Variants in EPHA6 observed in about 807,000 individuals in gnomAD.
EPHA6 encodes the protein EPH receptor A6, also known as ephrin type-A receptor 6.
A neutral mutation model predicts 112.0 loss-of-function variants in EPHA6; 50 were observed. The observed-to-expected ratio is 0.45, with a 90% CI of 0.36 to 0.56. The LOEUF is 0.56. EPHA6 is among the 20% of genes least tolerant of loss of function. The pLI is 0.00. For missense variants in EPHA6, 1,280 were observed against 1,417.4 expected, an observed-to-expected ratio of 0.90 and a Z score of 1.56; for synonymous variants, 529 against 490.7, an observed-to-expected ratio of 1.08 and a Z score of -1.03.
chr3:96,900,687 A>G (rs1332490731), intron 2 of EPHA6, among the ~76,000 whole-genome samples: 3 of 152,226 alleles, frequency 2.0e-5, no homozygotes, highest in African/African-American at 4.8e-5. Context: ...GAAGATTCAC[A>G]TGGATTGTTT....
intron 5 of EPHA6, among the ~76,000 whole-genome samples, chr3:97,311,527 T>G (rs527812858): frequency 6.6e-6 from 1 of 151,734 alleles, no homozygotes; most frequent in South Asian, 2.1e-4. Context: ...GATATCAAGT[T>G]GCTCCAGCAC....
chr3:97,164,426 G>A (rs940799553), intron 3 of EPHA6, among the ~76,000 whole-genome samples: 9 of 151,918 alleles, frequency 5.9e-5, no homozygotes, highest in African/African-American at 1.7e-4. Flanking sequence ...TATTTCTTAC[G>A]TGTTTTATGT....
chr3:97,229,892 C>T (rs1434933079), intron 4 of EPHA6, among the ~76,000 whole-genome samples: 1 of 151,834 alleles, frequency 6.6e-6, no homozygotes, highest in Non-Finnish European at 1.5e-5. Context: ...ATTTTTTTTC[C>T]TGTGAACATA....
At position 97,736,088 on chromosome 3, in the gene EPHA6, C is replaced by G; in HGVS notation, c.3098C>G (p.Ala1033Gly). The G allele has an allele frequency of 6.2e-7, 1 of 1,612,168 alleles. No homozygotes were observed. Among genetic ancestry groups the G allele is most frequent in the South Asian group, 1.1e-5 (1 of 90,962 alleles). Residue 1033 changes from alanine (A) to glycine (G), a missense_variant, in exon 16 of 18, where the codon GCC (alanine) becomes GGC (glycine). By Grantham distance (60) the Ala-to-Gly change is moderately conservative. Transcript: ENST00000389672. ...FLDKLIRNPS[A>G]LHTLVEDILV... The stretch of plus-strand genomic sequence containing the variant: ...GACAAACTGATCCGAAATCCCAGTG[C>G]CCTTCACACCCTGGTGGAGGACATC...
chr3:97,072,489 G>A (rs2046391930), intron 3 of EPHA6, among the ~76,000 whole-genome samples: 1 of 151,996 alleles, frequency 6.6e-6, no homozygotes, highest in Non-Finnish European at 1.5e-5. Flanking sequence ...GCCGTTAGAA[G>A]GCACCAACCC....
chr3:97,228,689 C>T (rs559332205), intron 4 of EPHA6, among the ~76,000 whole-genome samples: 39 of 152,096 alleles, frequency 2.6e-4, no homozygotes, highest in South Asian at 1.5e-3. Flanking sequence ...AACATGCATG[C>T]GCAAGTGTCA....
chr3:96,913,533 C>T (rs749064591), intron 2 of EPHA6, among the ~76,000 whole-genome samples: 8 of 151,870 alleles, frequency 5.3e-5, no homozygotes, highest in Non-Finnish European at 8.8e-5. Flanking sequence ...CAGTCATATC[C>T]GCCTTATATA....
At chr3:97,185,668 A>T (rs915833336) in intron 3 of EPHA6, among the ~76,000 whole-genome samples, 1 of 152,074 alleles carries the variant, frequency 6.6e-6, no homozygotes, top group Admixed American at 6.6e-5. Context: ...TTCCTCAGGG[A>T]TCTAGAACTA....
At chr3:97,254,632 T>G (rs1559830729) in intron 5 of EPHA6, among the ~76,000 whole-genome samples, 1 of 152,194 alleles carries the variant, frequency 6.6e-6, no homozygotes, top group Non-Finnish European at 1.5e-5. Flanking sequence ...TTCACATGCT[T>G]GAAGTAATCT....
At chr3:97,286,301 A>G (rs180899991) in intron 5 of EPHA6, among the ~76,000 whole-genome samples, 39 of 152,280 alleles carry the variant, frequency 2.6e-4, no homozygotes, top group African/African-American at 8.9e-4. Flanking sequence ...TTAACCATAA[A>G]ATCTTTGGCT....
chr3:96,821,456 G>T (rs557859328), intron 1 of EPHA6, among the ~76,000 whole-genome samples: 1 of 151,592 alleles, frequency 6.6e-6, no homozygotes, highest in East Asian at 1.9e-4. Flanking sequence ...CTTCTTATGG[G>T]CTATACAGTT....
Position 97,480,889 on chromosome 3 carries a change from C to G in EPHA6, c.2074+1525C>G, listed in dbSNP as rs184044813. 9.7e-3 allele frequency among the ~76,000 whole-genome samples: 1,456 copies of G among 150,566 alleles called. 20 individuals are homozygous for G. The highest frequency in any genetic ancestry group is 0.032 in the African/African-American group (1,311 of 40,854). On this transcript the variant is annotated intron_variant, in intron 9 of 17. Transcript: ENST00000389672. ...TCATATCCCAGACGGGGTGGCAGAG[C>G]AGAGGCGCTCCCCACATCTCAGACA...
At chr3:97,179,718 T>TCTCTCTCTCTCTCTCG (rs2076933943) in intron 3 of EPHA6, among the ~76,000 whole-genome samples, 1 of 11,854 alleles carries the variant, frequency 8.4e-5, no homozygotes, top group Admixed American at 1.1e-3. Context: ...ACCTACAGAG[T>TCTCTCTCTCTCTCTCG]CTCTCTCTCT....
chr3:97,320,519 T>C (rs1275598846), intron 5 of EPHA6, among the ~76,000 whole-genome samples: 10 of 151,876 alleles, frequency 6.6e-5, no homozygotes, highest in Admixed American at 6.6e-4. Flanking sequence ...AGGAATATGA[T>C]AGCTGCAGAG....
At chr3:97,655,920 A>G (rs1322094370) in intron 14 of EPHA6, among the ~76,000 whole-genome samples, 1 of 152,002 alleles carries the variant, frequency 6.6e-6, no homozygotes, top group Non-Finnish European at 1.5e-5. Flanking sequence ...AAAAGAAGAG[A>G]AAGATCTCTT....
At chr3:97,029,292 A>G (rs188441812) in intron 3 of EPHA6, among the ~76,000 whole-genome samples, 3 of 151,754 alleles carry the variant, frequency 2.0e-5, no homozygotes, top group African/African-American at 7.2e-5. Context: ...AAAAATTATT[A>G]TATAATTACA....
At chr3:97,244,584 A>G (rs2078935275) in intron 5 of EPHA6, 8 of 382,346 alleles carry the variant, frequency 2.1e-5, no homozygotes, top group East Asian at 1.5e-4. Flanking sequence ...TTACTTACCA[A>G]TAGAAGTCAG....
intron 3 of EPHA6, among the ~76,000 whole-genome samples, chr3:97,197,173 G>C (rs928107200): frequency 2.0e-5 from 3 of 152,020 alleles, no homozygotes; most frequent in Non-Finnish European, 4.4e-5. Flanking sequence ...CACTGTGACT[G>C]AGCTGCTACC....
intron 14 of EPHA6, among the ~76,000 whole-genome samples, chr3:97,689,482 T>C (rs2032500099): frequency 6.6e-6 from 1 of 152,180 alleles, no homozygotes; most frequent in African/African-American, 2.4e-5. Context: ...TGTAATGCGG[T>C]AGGCAGGCCT....
Sources: allele counts gnomAD v4.1 joint callset (sites outside exome capture counted in the v4.1 genomes callset), GRCh38; gene constraint gnomAD v4.1.1; transcripts MANE v1.5; gene names NCBI Gene and HGNC (gene_info 2026-07-23, HGNC 2026-07-21).